AHI1: variants seen among roughly 807,000 people sequenced by gnomAD.
AHI1 encodes the protein jouberin.
Under a neutral mutation model 149.3 loss-of-function variants are expected in AHI1, and 123 were observed. The observed-to-expected ratio is 0.82, with a 90% CI of 0.71 to 0.96. The LOEUF (loss-of-function observed/expected upper bound fraction) is 0.96. AHI1 is among the 40% of genes least tolerant of loss of function. The pLI is 0.00. For synonymous variants in AHI1, 475 were observed against 459.8 expected, an observed-to-expected ratio of 1.03 and a Z score of -0.42; for missense variants, 1,439 against 1,422.7, an observed-to-expected ratio of 1.01 and a Z score of -0.18.
chr6:135,444,341 G>A (rs950299401), intron 13 of AHI1, among the ~76,000 whole-genome samples: 1 of 152,060 alleles, frequency 6.6e-6, no homozygotes, highest in African/African-American at 2.4e-5. Flanking sequence ...TCACAATCAA[G>A]TATTAGGCTA....
chr6:135,458,051 G>C (rs868736113), intron 8 of AHI1, among the ~76,000 whole-genome samples: 1 of 152,078 alleles, frequency 6.6e-6, no homozygotes, highest in Admixed American at 6.6e-5. Context: ...TCTAATTCTG[G>C]GTGGGATGCA....
At chr6:135,485,260 A>C (rs907951466) in intron 5 of AHI1, among the ~76,000 whole-genome samples, 1 of 152,056 alleles carries the variant, frequency 6.6e-6, no homozygotes, top group Non-Finnish European at 1.5e-5. Context: ...TTTTTAGTAG[A>C]GACTAGGTTT....
intron 5 of AHI1, among the ~76,000 whole-genome samples, chr6:135,472,667 A>AT (rs1288017305): frequency 6.6e-6 from 1 of 152,258 alleles, no homozygotes; most frequent in East Asian, 1.9e-4. Context: ...AATACTGTCA[A>AT]TTTTTGTTTT....
At chr6:135,366,700 T>C (rs189497434) in intron 23 of AHI1, among the ~76,000 whole-genome samples, 1 of 152,326 alleles carries the variant, frequency 6.6e-6, no homozygotes, top group African/African-American at 2.4e-5. Flanking sequence ...ATCTCACTAA[T>C]GGTCTATCGA....
At chr6:135,359,750 A>G (rs1793560032) in intron 23 of AHI1, among the ~76,000 whole-genome samples, 1 of 152,210 alleles carries the variant, frequency 6.6e-6, no homozygotes, top group Non-Finnish European at 1.5e-5. Flanking sequence ...TCTGACTGTT[A>G]TAAAATTGAC....
chr6:135,475,744 G>C (rs76156981), intron 5 of AHI1, among the ~76,000 whole-genome samples: 28 of 152,136 alleles, frequency 1.8e-4, no homozygotes, highest in African/African-American at 6.3e-4. Context: ...GCTTGCACCT[G>C]GTTTCTCCTG....
intron 11 of AHI1, among the ~76,000 whole-genome samples, chr6:135,450,423 C>G (rs958372111): frequency 4.6e-5 from 7 of 152,060 alleles, no homozygotes; most frequent in Non-Finnish European, 1.0e-4. Context: ...AAAATATAGC[C>G]CATCTTTTCC....
chr6:135,451,840 T>A (rs972679664), intron 11 of AHI1, among the ~76,000 whole-genome samples: 2 of 149,020 alleles, frequency 1.3e-5, no homozygotes, highest in African/African-American at 5.2e-5. Context: ...GTGAGTTTTT[T>A]GCTTTTTTTT....
At chr6:135,340,127 TTTGGGAGG>T (rs1790060634) in intron 24 of AHI1, among the ~76,000 whole-genome samples, 1 of 151,966 alleles carries the variant, frequency 6.6e-6, no homozygotes, top group Non-Finnish European at 1.5e-5. Flanking sequence ...ATCCCAGAAC[TTTGGGAGG>T]CTGAGGCGGG....
At chr6:135,410,203 CA>C (rs1274702093) in intron 21 of AHI1, among the ~76,000 whole-genome samples, 2 of 151,900 alleles carry the variant, frequency 1.3e-5, no homozygotes, top group East Asian at 1.9e-4. Context: ...CCTGTCTCTA[CA>C]AAAAAAATTT....
At chr6:135,361,787 C>T (rs537470644) in intron 23 of AHI1, among the ~76,000 whole-genome samples, 6 of 150,600 alleles carry the variant, frequency 4.0e-5, no homozygotes, top group African/African-American at 7.3e-5. Flanking sequence ...TATATGTATA[C>T]GTGTATGTGT....
At chr6:135,290,087 C>A (rs976413935) in intron 28 of AHI1, among the ~76,000 whole-genome samples, 2 of 152,034 alleles carry the variant, frequency 1.3e-5, no homozygotes, top group African/African-American at 2.4e-5. Flanking sequence ...TCTTGTCATT[C>A]CCCTCTTTAT....
At chr6:135,312,310 C>T (rs1785316512) in intron 26 of AHI1, among the ~76,000 whole-genome samples, 1 of 151,924 alleles carries the variant, frequency 6.6e-6, no homozygotes, top group African/African-American at 2.4e-5. Flanking sequence ...GTCAGGAGTT[C>T]GAGGCCAGCC....
rs765507387 is a variant in AHI1 at position 135,427,322 on chromosome 6, A to C, written c.2624-15T>G. On this transcript the variant is annotated splice_polypyrimidine_tract_variant and intron_variant, in intron 19 of 28. Coordinates refer to ENST00000265602, the MANE Select transcript of AHI1 (RefSeq NM_001134831.2). ...TACTTGTTCTCCTAAATAAAAAGAG[A>C]GATTCAAAAATGTATATCAGAGCAT... 6.2e-7 allele frequency: 1 copy of C among 1,602,490 alleles called. No individual in the cohort carries two copies. The highest frequency in any genetic ancestry group is 1.1e-5 in the South Asian group (1 of 89,614).
chr6:135,377,615 G>T (rs992765480), intron 23 of AHI1, among the ~76,000 whole-genome samples: 4 of 151,946 alleles, frequency 2.6e-5, no homozygotes, highest in African/African-American at 9.7e-5. Context: ...CGAGTAGTGG[G>T]ACTACAGGCA....
chr6:135,328,661 C>T (rs761207944), intron 24 of AHI1, among the ~76,000 whole-genome samples: 6 of 152,014 alleles, frequency 3.9e-5, no homozygotes, highest in Non-Finnish European at 7.3e-5. Context: ...CAATTAATAA[C>T]TCTATAATGG....
chr6:135,411,805 T>C (rs1021609494), intron 20 of AHI1, among the ~76,000 whole-genome samples: 3 of 152,158 alleles, frequency 2.0e-5, no homozygotes, highest in Non-Finnish European at 4.4e-5. Context: ...ACTTTAAATA[T>C]ATGTATATAG....
chr6:135,451,691 A>G (rs1788132394), intron 11 of AHI1, among the ~76,000 whole-genome samples: 2 of 152,224 alleles, frequency 1.3e-5, no homozygotes, highest in African/African-American at 4.8e-5. Context: ...TATAGTACTT[A>G]GAGGTAGAAA....
intron 23 of AHI1, among the ~76,000 whole-genome samples, chr6:135,368,859 AC>A (rs1774598693): frequency 6.6e-6 from 1 of 152,132 alleles, no homozygotes; most frequent in Non-Finnish European, 1.5e-5. Flanking sequence ...TAGGTTTTGC[AC>A]CTTCCCACCT....
Sources: allele counts gnomAD v4.1 joint callset (sites outside exome capture counted in the v4.1 genomes callset), GRCh38; gene constraint gnomAD v4.1.1; transcripts MANE v1.5; gene names NCBI Gene and HGNC (gene_info 2026-07-23, HGNC 2026-07-21).